STPG2: variants seen among roughly 807,000 people sequenced by gnomAD.
STPG2 encodes sperm-tail PG-rich repeat-containing protein 2.
Under a neutral mutation model 54.2 loss-of-function variants are expected in STPG2, and 56 were observed. The ratio of observed to expected loss-of-function variants is 1.03; its 90% CI spans 0.83 to 1.29. The LOEUF (loss-of-function observed/expected upper bound fraction) is 1.29, where lower values mean the gene tolerates loss of function less well. STPG2 is among the 50% of genes most tolerant of loss of function. The pLI, the probability that STPG2 is intolerant of heterozygous loss-of-function variation, is 0.00. For synonymous variants in STPG2, 200 were observed against 181.8 expected (o/e 1.10, Z -0.81); for missense variants, 596 against 544.9 (o/e 1.09, Z -0.93).
At chr4:97,707,737 GGAAA>G (rs1483396056) in intron 10 of STPG2, among the ~76,000 whole-genome samples, 3 of 151,836 alleles carry the variant, frequency 2.0e-5, no homozygotes, top group African/African-American at 2.4e-5. Context: ...GTGAAAGGAA[GGAAA>G]GAAAGATTGA....
At chr4:97,768,337 T>C (rs1159971950) in intron 9 of STPG2, among the ~76,000 whole-genome samples, 1 of 152,206 alleles carries the variant, frequency 6.6e-6, no homozygotes, top group Admixed American at 6.5e-5. Flanking sequence ...GGAGACTTTA[T>C]TTTTTATAGT....
At position 98,143,091 on chromosome 4, in the gene STPG2, A is replaced by G. The variant is rs1740346273; in HGVS notation, c.60T>C (p.His20=). Residue 20 remains histidine, a synonymous_variant, in exon 1 of 11, where the codon CAT becomes CAC. Coordinates refer to ENST00000295268, the MANE Select transcript of STPG2 (RefSeq NM_174952.3). Reference sequence around the variant, plus strand: ...GTACCTGGTAGGATCCAGGACCCACATGGGCCTCAGTGCTGCCACCTTCAG... The same window carrying G: ...GTACCTGGTAGGATCCAGGACCCACGTGGGCCTCAGTGCTGCCACCTTCAG... The part of the protein sequence containing the change: ...KLAEGGSTEA[H]VGPGSYQVPF... 1 of 1,613,830 alleles carries G rather than the reference A, an allele frequency of 6.2e-7. No individual in the cohort carries two copies. Among genetic ancestry groups the G allele is most frequent in the Non-Finnish European group, 8.5e-7 (1 of 1,179,946 alleles).
intron 4 of STPG2, among the ~76,000 whole-genome samples, chr4:97,461,935 A>C (rs1333053376): frequency 6.6e-6 from 1 of 151,882 alleles, no homozygotes; most frequent in Non-Finnish European, 1.5e-5. Context: ...TAATCAATAG[A>C]TACTCTTTAT....
intron 10 of STPG2, among the ~76,000 whole-genome samples, chr4:97,611,692 C>T (rs1199829442): frequency 1.3e-5 from 2 of 151,470 alleles, no homozygotes; most frequent in African/African-American, 4.8e-5. Context: ...ACATAGCCTA[C>T]AATAAAGGTG....
chr4:97,792,385 T>A (rs554729304), intron 9 of STPG2, among the ~76,000 whole-genome samples: 7 of 152,298 alleles, frequency 4.6e-5, no homozygotes, highest in Non-Finnish European at 7.4e-5. Context: ...TTTCTCAGTC[T>A]AATCAGAACC....
At chr4:97,694,644 T>TAA (rs200974894) in intron 10 of STPG2, among the ~76,000 whole-genome samples, 1 of 145,658 alleles carries the variant, frequency 6.9e-6, no homozygotes, top group Non-Finnish European at 1.5e-5. Context: ...CCGTCTCTAT[T>TAA]AAAAAAAAAA....
chr4:97,953,854 G>C (rs1282263562), intron 7 of STPG2, among the ~76,000 whole-genome samples: 1 of 152,158 alleles, frequency 6.6e-6, no homozygotes. Context: ...CAGTTTTCCT[G>C]TTAAGTTCCT....
intron 10 of STPG2, among the ~76,000 whole-genome samples, chr4:97,575,354 C>A (rs997247277): frequency 2.0e-5 from 3 of 151,708 alleles, no homozygotes; most frequent in African/African-American, 7.3e-5. Context: ...AAACAACAGG[C>A]CAATATCTAA....
chr4:97,908,640 A>C (rs1439955485), intron 8 of STPG2, among the ~76,000 whole-genome samples: 4 of 151,950 alleles, frequency 2.6e-5, no homozygotes, highest in Admixed American at 2.0e-4. Context: ...GATAGACTGG[A>C]TTAAGAAAAT....
At chr4:97,510,940 C>T (rs1730958627) in intron 4 of STPG2, among the ~76,000 whole-genome samples, 1 of 152,028 alleles carries the variant, frequency 6.6e-6, no homozygotes, top group Non-Finnish European at 1.5e-5. Flanking sequence ...TGCACTATAG[C>T]TTGGGCAACA....
intron 5 of STPG2, among the ~76,000 whole-genome samples, chr4:98,030,506 A>T (rs923272142): frequency 2.6e-5 from 4 of 152,194 alleles, no homozygotes; most frequent in Admixed American, 6.5e-5. Flanking sequence ...TTAAAGTACC[A>T]TTGACATTCT....
intron 4 of STPG2, among the ~76,000 whole-genome samples, chr4:97,533,666 C>T (rs1053336413): frequency 6.6e-6 from 1 of 151,992 alleles, no homozygotes; most frequent in Non-Finnish European, 1.5e-5. Flanking sequence ...AAAATATGTA[C>T]TATTATGTCA....
At chr4:97,641,712 A>G (rs1318322721) in intron 10 of STPG2, among the ~76,000 whole-genome samples, 1 of 151,522 alleles carries the variant, frequency 6.6e-6, no homozygotes, top group African/African-American at 2.4e-5. Context: ...AATTGAACAT[A>G]CATACAAATA....
intron 5 of STPG2, among the ~76,000 whole-genome samples, chr4:98,049,581 T>C (rs1265725651): frequency 6.6e-6 from 1 of 152,198 alleles, no homozygotes; most frequent in East Asian, 1.9e-4. Flanking sequence ...ATGATCACCA[T>C]TGGAGGATGC....
chr4:97,980,271 G>A (rs943023753), intron 6 of STPG2, among the ~76,000 whole-genome samples: 1 of 152,170 alleles, frequency 6.6e-6, no homozygotes, highest in African/African-American at 2.4e-5. Context: ...GAAGGAGTAG[G>A]TGCATGTAGG....
chr4:97,663,039 T>C (rs1412451894), intron 10 of STPG2, among the ~76,000 whole-genome samples: 1 of 151,896 alleles, frequency 6.6e-6, no homozygotes, highest in Non-Finnish European at 1.5e-5. Context: ...CATGTTGTCA[T>C]TTTAAATAAT....
intron 6 of STPG2, 89 bp from the exon 7 acceptor site, chr4:97,972,529 T>C (rs1009320951): frequency 1.4e-5 from 11 of 768,560 alleles, no homozygotes; most frequent in Non-Finnish European, 2.1e-5. Flanking sequence ...AGGGTTTTTT[T>C]CTAAATAAAA....
chr4:97,700,947 T>C (rs1296546607), intron 10 of STPG2, among the ~76,000 whole-genome samples: 1 of 152,218 alleles, frequency 6.6e-6, no homozygotes, highest in East Asian at 1.9e-4. Flanking sequence ...ATTAAGCTTA[T>C]AATAATCCAC....
At chr4:97,914,723 T>A (rs375717404) in intron 8 of STPG2, among the ~76,000 whole-genome samples, 54 of 152,308 alleles carry the variant, frequency 3.5e-4, no homozygotes, top group East Asian at 2.3e-3. Context: ...ATTATGCCAA[T>A]TGAGCATCCC....
Sources: allele counts gnomAD v4.1 joint callset (sites outside exome capture counted in the v4.1 genomes callset), GRCh38; gene constraint gnomAD v4.1.1; transcripts MANE v1.5; gene names NCBI Gene and HGNC (gene_info 2026-07-23, HGNC 2026-07-21).